Variants in KRT35 observed in about 807,000 individuals in gnomAD.
KRT35 encodes keratin, type I cuticular Ha5.
KRT35 carries 33 observed loss-of-function variants against 42.2 expected under a neutral mutation model. The observed-to-expected ratio is 0.78, with a 90% CI of 0.59 to 1.05. The LOEUF is 1.05. Among genes scored for constraint, KRT35 ranks in the 50% least tolerant of loss-of-function variants. The pLI is 0.00. For missense variants in KRT35, 585 were observed against 589.2 expected (o/e 0.99, Z 0.07); for synonymous variants, 218 against 238.2 (o/e 0.92, Z 0.78).
At position 41,477,661 on chromosome 17, in the gene KRT35, G is replaced by A. The variant is rs750552995; in HGVS notation, c.1077C>T (p.Ile359=). Residue 359 remains isoleucine, a synonymous_variant, in exon 6 of 7, where the codon ATC becomes ATT. Coordinates refer to ENST00000246639, the MANE Select transcript of KRT35 (RefSeq NM_002280.6). The part of the protein sequence containing the change: ...SSQLAQMQCM[I]TNVEAQLAEI... ...CGGCCAGCTGGGCCTCCACGTTGGT[G>A]ATCATGCACTGCATCTGGGCCAGCT... 1 of 1,614,234 alleles carries A rather than the reference G, an allele frequency of 6.2e-7. No homozygotes were observed. Among genetic ancestry groups the A allele is most frequent in the Non-Finnish European group, 8.5e-7 (1 of 1,180,054 alleles).
At chr17:41,478,335 C>T in intron 5 of KRT35, 26 bp downstream of exon 5, 6 of 1,608,374 alleles carry the variant, frequency 3.7e-6, no homozygotes, top group Non-Finnish European at 5.1e-6. Context: ...GGTCCAGAGG[C>T]AGCTCCACCC....
rs2019179338 is a variant in KRT35, at chr17:41,477,003, G to T, written c.*53C>A. The stretch of plus-strand genomic sequence containing the variant: ...GCTACAAGGGTTAAGTTTGGGTAGA[G>T]GCCAAGTTCAAGCCCTGGAGACAAT... On this transcript the variant is annotated 3_prime_UTR_variant, in exon 7 of 7. Transcript: ENST00000246639. 1 of 1,499,788 alleles carries T rather than the reference G, an allele frequency of 6.7e-7. No homozygotes were observed. Among genetic ancestry groups the T allele is most frequent in the Non-Finnish European group, 8.9e-7 (1 of 1,122,238 alleles). 92.9% of individuals were successfully genotyped at this position (1,499,788 alleles called of 1,614,324 possible).
chr17:41,477,799 A>G (rs2019198490), intron 5 of KRT35, 61 bp from the exon 6 acceptor site: 5 of 1,542,066 alleles, frequency 3.2e-6, no homozygotes, highest in Non-Finnish European at 4.4e-6. Flanking sequence ...GGAGCAAGGA[A>G]GGAATCTTCC....
At chr17:41,480,255 A>T (rs1424709121) in intron 1 of KRT35, among the ~76,000 whole-genome samples, 2 of 152,222 alleles carry the variant, frequency 1.3e-5, no homozygotes, top group Non-Finnish European at 2.9e-5. Flanking sequence ...ACTTATGGGA[A>T]GCCTGAACTG....
At position 41,477,166 on chromosome 17, in the gene KRT35, AG is replaced by A; in HGVS notation, c.1257del (p.Ser420ProfsTer40). ...GGAAGACAGGGAAGGCATGACTTGG[AG>A]GGTGAGTAGTCAGGTGCACATGGGT... ...PCNPCAPDYS[P>X]SKSCLPCLPA... On this transcript the variant is annotated frameshift_variant, in exon 7 of 7. Coordinates refer to ENST00000246639, the MANE Select transcript of KRT35 (RefSeq NM_002280.6). LOFTEE classifies it high-confidence loss of function. 6.2e-7 allele frequency: 1 copy of A among 1,613,854 alleles called. No individual in the cohort carries two copies. Among genetic ancestry groups the A allele is most frequent in the Non-Finnish European group, 8.5e-7 (1 of 1,179,830 alleles).
intron 1 of KRT35, among the ~76,000 whole-genome samples, chr17:41,480,079 C>G (rs1320426841): frequency 3.9e-5 from 6 of 152,220 alleles, no homozygotes; most frequent in Admixed American, 3.9e-4. Flanking sequence ...GTCTCCCAGG[C>G]CTACTGGGGG....
rs201945790 is a variant in KRT35 at position 41,480,619 on chromosome 17, C to G, written c.471+8G>C. 6.2e-7 allele frequency: 1 copy of G among 1,608,660 alleles called. No individual in the cohort carries two copies. Among genetic ancestry groups the G allele is most frequent in the South Asian group, 1.1e-5 (1 of 90,894 alleles). On this transcript the variant is annotated splice_region_variant and intron_variant, in intron 1 of 6. Transcript: ENST00000246639. ...CCTGGGAATCCAAAGCCACTCTGAA[C>G]CTCTTACCTTCTTCTGGAGCTCCTC...
Position 41,480,854 on chromosome 17 carries a change from T to C in KRT35, c.244A>G (p.Ser82Gly). The C allele has an allele frequency of 6.2e-7, 1 of 1,605,924 alleles. No individual in the cohort carries two copies. Residue 82 changes from serine (S) to glycine (G), a missense_variant, in exon 1 of 7, where the codon AGT (serine) becomes GGT (glycine). Physicochemically the swap from Ser to Gly is moderately conservative, Grantham distance 56. Transcript: ENST00000246639. ...TCCCCAAACCAGCCCCCACCCCCAC[T>C]GTAGCTGGTAGCGAAGCCTCCAGCA... ...LPAGGFATSYSGGGGWFGEGI... is the reference protein window; with the variant it reads ...LPAGGFATSYGGGGGWFGEGI...
Position 41,477,090 on chromosome 17 carries a change from G to A in KRT35, c.1334C>T (p.Pro445Leu), listed in dbSNP as rs2019181105. The change falls in exon 7 of 7, where the codon CCC (proline) becomes CTC (leucine). Residue 445 changes from proline (P) to leucine (L), a missense_variant. Coordinates refer to ENST00000246639, the MANE Select transcript of KRT35 (RefSeq NM_002280.6). ...ACCCCCTGGGCAGGGCACACAAATG[G>A]GGCGGGGGCTGCAGTTTGTGCGGGC... ...SAARTNCSPR[P>L]ICVPCPGGRF The A allele has an allele frequency of 6.3e-7, 1 of 1,599,996 alleles. No individual in the cohort carries two copies. The highest frequency in any genetic ancestry group is 8.5e-7 in the Non-Finnish European group (1 of 1,174,882).
rs762272432 is a variant in KRT35 at position 41,478,434 on chromosome 17, C to T, written c.926G>A (p.Cys309Tyr). Reference sequence around the variant, plus strand: ...TCTCAGCTCGATGATCTCTGCCTGGCAGGACTGCAACTGCTCTGAGCTGGA... The same window carrying T: ...TCTCAGCTCGATGATCTCTGCCTGGTAGGACTGCAACTGCTCTGAGCTGGA... ...VVSSSEQLQSCQAEIIELRRT... is the reference protein window; with the variant it reads ...VVSSSEQLQSYQAEIIELRRT... The change falls in exon 5 of 7, where the codon TGC becomes TAC. Residue 309 changes from cysteine to tyrosine, a missense_variant. Physicochemically the swap from Cys to Tyr is radical, Grantham distance 194 (BLOSUM62 -2). Coordinates refer to ENST00000246639, the MANE Select transcript of KRT35 (RefSeq NM_002280.6). 17 of 1,614,142 alleles carry T rather than the reference C, an allele frequency of 1.1e-5. No homozygotes were observed. Among genetic ancestry groups the T allele is most frequent in the Non-Finnish European group, 3.4e-6 (4 of 1,179,996 alleles).
Position 41,477,019 on chromosome 17 carries a change from T to A in KRT35, c.*37A>T. 6.6e-7 allele frequency: 1 copy of A among 1,526,452 alleles called. No homozygotes were observed. Among genetic ancestry groups the A allele is most frequent in the East Asian group, 2.3e-5 (1 of 43,812 alleles). The allele number at this position is 1,526,452 out of a possible 1,614,324, so 94.6% of individuals were successfully genotyped here. ...TTGGGTAGAGGCCAAGTTCAAGCCC[T>A]GGAGACAATAGCCATGGCCATCTGG... On this transcript the variant is annotated 3_prime_UTR_variant, in exon 7 of 7. Transcript: ENST00000246639.
chr17:41,479,545 T>C, intron 2 of KRT35, 42 bp from the exon 3 acceptor site: 1 of 1,602,468 alleles, frequency 6.2e-7, no homozygotes, highest in Non-Finnish European at 8.5e-7. Flanking sequence ...CATTTCCTTT[T>C]TGCATCTAAG....
chr17:41,480,019 G>T (rs917779899), intron 1 of KRT35, among the ~76,000 whole-genome samples: 61 of 152,292 alleles, frequency 4.0e-4, no homozygotes, highest in African/African-American at 1.4e-3. Flanking sequence ...GCATGAAAAT[G>T]CAACAGGAAA....
intron 3 of KRT35, 27 bp downstream of exon 3, chr17:41,479,320 C>G (rs555710318): frequency 6.2e-7 from 1 of 1,609,504 alleles, no homozygotes; most frequent in Non-Finnish European, 8.5e-7. Flanking sequence ...CCTGCTGTGC[C>G]GTGTTCACCT....
In KRT35 at chr17:41,477,748, C is replaced by A. The variant is rs1470509926; in HGVS notation, c.1000-10G>T. 5.6e-6 allele frequency: 9 copies of A among 1,612,056 alleles called. No individual in the cohort carries two copies. The East Asian group carries it at 2.0e-4, about 36-fold the overall frequency. The stretch of plus-strand genomic sequence containing the variant: ...ATTCCAAAGCATCTCTCTGTGAGGG[C>A]AAGAGTTGTGTAGGGAGGAAAAAGG... On this transcript the variant is annotated splice_polypyrimidine_tract_variant and intron_variant, in intron 5 of 6. Coordinates refer to ENST00000246639, the MANE Select transcript of KRT35 (RefSeq NM_002280.6).
intron 3 of KRT35, 84 bp from the exon 4 acceptor site, chr17:41,479,079 T>G (rs930685015): frequency 4.4e-6 from 6 of 1,371,462 alleles, no homozygotes; most frequent in African/African-American, 4.3e-5. Flanking sequence ...CTCCTCCCCA[T>G]GCTCACCCCT....
Position 41,479,685 on chromosome 17 carries a change from G to A in KRT35, c.554+14C>T. 6.2e-7 allele frequency: 1 copy of A among 1,609,724 alleles called. No individual in the cohort carries two copies. Among genetic ancestry groups the A allele is most frequent in the Non-Finnish European group, 8.5e-7 (1 of 1,176,050 alleles). On this transcript the variant is annotated intron_variant, in intron 2 of 6. Coordinates refer to ENST00000246639, the MANE Select transcript of KRT35 (RefSeq NM_002280.6). ...CTAGCAGCCCCCAACCACATGACAA[G>A]CAGGACAACTCACTTGGTCCTGAAG...
chr17:41,479,284 C>T, intron 3 of KRT35, 63 bp downstream of exon 3: 1 of 1,546,526 alleles, frequency 6.5e-7, no homozygotes, highest in Non-Finnish European at 8.8e-7. Flanking sequence ...ACCTCCTCCC[C>T]ATGTTCACCT....
In KRT35 at chr17:41,476,903, T is replaced by C. The variant is rs2019178180; in HGVS notation, c.*153A>G. 2 of 728,898 alleles carry C rather than the reference T, an allele frequency of 2.7e-6. No individual in the cohort carries two copies. The highest frequency in any genetic ancestry group is 4.3e-6 in the Non-Finnish European group (2 of 462,370). The allele number at this position is 728,898 out of a possible 1,614,324, so 45.2% of individuals were successfully genotyped here. A position where few individuals can be genotyped will look rare whatever the true frequency, so the allele number is the denominator to read the frequency against. ...GCCTTTGTGACAGGCTCTGAGAAAC[T>C]TTAGGGCATGTATTTGCAGAAAGCC... On this transcript the variant is annotated 3_prime_UTR_variant, in exon 7 of 7. Coordinates refer to ENST00000246639, the MANE Select transcript of KRT35 (RefSeq NM_002280.6).
Sources: gnomAD v4.1 joint callset for allele counts (sites outside exome capture counted in the v4.1 genomes callset) on GRCh38, gnomAD v4.1.1 for gene constraint, MANE v1.5 for transcripts, NCBI Gene and HGNC (gene_info 2026-07-23, HGNC 2026-07-21) for gene names.